Variants in SPEN observed in about 807,000 individuals in gnomAD.
The protein encoded by SPEN is msx2-interacting protein.
In SPEN, 18 loss-of-function variants were observed where a neutral mutation model predicts 269.9. The ratio of observed to expected loss-of-function variants is 0.07; its 90% CI spans 0.05 to 0.10. The LOEUF is 0.10. SPEN is among the 10% of genes least tolerant of loss of function. SPEN has a pLI of 1.00. For synonymous variants in SPEN, 1,726 were observed against 1,765.7 expected, an observed-to-expected ratio of 0.98 and a Z score of 0.56; for missense variants, 3,822 against 4,631.2, an observed-to-expected ratio of 0.83 and a Z score of 5.07.
chr1:15,934,560 A>C lies in SPEN; in HGVS notation c.8320A>C (p.Lys2774Gln). 6.2e-7 allele frequency: 1 copy of C among 1,614,146 alleles called. No individual in the cohort carries two copies. The highest frequency in any genetic ancestry group is 2.2e-5 in the East Asian group (1 of 44,882). The change falls in exon 11 of 15, where the codon AAA (lysine) becomes CAA (glutamine). Residue 2774 changes from lysine (K) to glutamine (Q), a missense_variant. Lys to Gln is a moderately conservative substitution (Grantham distance 53, BLOSUM62 1). This residue lies in a region of SPEN where 329 missense variants were observed against 431.2 expected (regional missense o/e 0.76). Coordinates refer to ENST00000375759, the MANE Select transcript of SPEN (RefSeq NM_015001.3). The surrounding 1 kb of genome is among the most constrained non-coding windows in gnomAD (Gnocchi z 9.2). ...GAVIAPSTKC[K>Q]QRASANENSR... ...AGTGATTGCGCCGTCAACAAAGTGC[A>C]AACAGAGAGCGAGTGCTAATGAAAA...
chr1:15,939,442 A>G lies in SPEN; in HGVS notation c.*15A>G, dbSNP rs779331412. The G allele has an allele frequency of 6.4e-7, 1 of 1,570,754 alleles. No individual in the cohort carries two copies. The highest frequency in any genetic ancestry group is 8.6e-7 in the Non-Finnish European group (1 of 1,158,738). On this transcript the variant is annotated 3_prime_UTR_variant, in exon 15 of 15. Coordinates refer to ENST00000375759, the MANE Select transcript of SPEN (RefSeq NM_015001.3). This position sits in a 1 kb window ranked among gnomAD's most constrained non-coding sequence, Gnocchi z 4.1. Reference sequence around the variant, plus strand: ...CCTCCGTGTGAGCCACTGAGTGGTTATCACCTCAGTGAATCTTCCCAGGGC... The same window carrying G: ...CCTCCGTGTGAGCCACTGAGTGGTTGTCACCTCAGTGAATCTTCCCAGGGC...
chr1:15,904,462 A>C (rs981394018), intron 3 of SPEN, among the ~76,000 whole-genome samples: 10 of 148,788 alleles, frequency 6.7e-5, no homozygotes, highest in Non-Finnish European at 1.2e-4. Flanking sequence ...CAAAAAAAAA[A>C]AAAAAAAAAA....
Position 15,937,665 on chromosome 1 carries a change from G to A in SPEN, c.10509+20G>A. ...CTGAAGGTAAGCATGAGCAGGGGCT[G>A]CCCTTCCTGGCCCCCAAGTTTTATG... is the stretch of plus-strand genomic sequence containing the variant. On this transcript the variant is annotated intron_variant, in intron 12 of 14. Transcript: ENST00000375759. This position sits in a 1 kb window ranked among gnomAD's most constrained non-coding sequence, Gnocchi z 5.7. The A allele has an allele frequency of 6.2e-7, 1 of 1,608,024 alleles. No individual in the cohort carries two copies. The highest frequency in any genetic ancestry group is 1.1e-5 in the South Asian group (1 of 90,850).
At chr1:15,912,145 C>T (rs889247983) in intron 5 of SPEN, among the ~76,000 whole-genome samples, 8 of 152,092 alleles carry the variant, frequency 5.3e-5, no homozygotes, top group Non-Finnish European at 1.0e-4. Context: ...TTCCAGGGAA[C>T]ATTTATTATC....
Position 15,859,418 on chromosome 1 carries a change from C to T in SPEN, c.83+11268C>T, listed in dbSNP as rs1257752873. Among the ~76,000 whole-genome samples the T allele has an allele frequency of 4.4e-5, 6 of 137,470 alleles. No individual in the cohort carries two copies. In the East Asian group the frequency reaches 8.7e-4, roughly 20 times the overall value. The allele number at this position is 137,470 out of a possible 152,430, so 90.2% of individuals were successfully genotyped here. On this transcript the variant is annotated intron_variant, in intron 1 of 14. Coordinates refer to ENST00000375759, the MANE Select transcript of SPEN (RefSeq NM_015001.3). ...TGTCGCCCAGGCTGGAGTGCAGTGG[C>T]GGGATCTCGGCTCACTGCAAGCTCC...
At position 15,930,368 on chromosome 1, in the gene SPEN, T is replaced by G; in HGVS notation, c.4128T>G (p.Gly1376=). 6.2e-7 allele frequency: 1 copy of G among 1,613,348 alleles called. No individual in the cohort carries two copies. The highest frequency in any genetic ancestry group is 1.7e-5 in the Admixed American group (1 of 60,018). The stretch of plus-strand genomic sequence containing the variant: ...GGTCTGTACGAGATCTGGAACCTGG[T>G]GAGGTGCCTTCTGATTCTGACGAAG... ...RKRSVRDLEP[G]EVPSDSDEDG... is the part of the protein sequence containing the mutation. The change falls in exon 11 of 15, where the codon GGT becomes GGG. Residue 1376 remains glycine (G), a synonymous_variant. Transcript: ENST00000375759. This position sits in a 1 kb window ranked among gnomAD's most constrained non-coding sequence, Gnocchi z 5.3.
intron 10 of SPEN, among the ~76,000 whole-genome samples, chr1:15,926,430 C>A (rs1045629154): frequency 2.6e-5 from 4 of 150,994 alleles, no homozygotes; most frequent in African/African-American, 9.7e-5. Context: ...AATATATTTA[C>A]AAAATATACA....
rs192348452 is a variant in SPEN at position 15,895,520 on chromosome 1, T to A, written c.882-13801T>A. On this transcript the variant is annotated intron_variant, in intron 3 of 14. Transcript: ENST00000375759. ...AATTTCATTCCTTTATAAAGGTGAA[T>A]AATATTCCTTTATTCTTTTTGGGTA... Among the ~76,000 whole-genome samples the A allele has an allele frequency of 9.2e-5, 14 of 152,282 alleles. No homozygotes were observed. In the South Asian group the frequency reaches 1.2e-3, roughly 14 times the overall value.
chr1:15,894,533 G>GTGGTTT (rs1557746623), intron 3 of SPEN, among the ~76,000 whole-genome samples: 7 of 136,014 alleles, frequency 5.1e-5, no homozygotes, highest in Admixed American at 7.3e-5. Context: ...CCATATTATG[G>GTGGTTT]TTGTTTTTTT....
intron 3 of SPEN, among the ~76,000 whole-genome samples, chr1:15,880,348 A>C (rs772041366): frequency 4.6e-5 from 7 of 152,064 alleles, no homozygotes; most frequent in Non-Finnish European, 1.0e-4. Context: ...AACAGATTTC[A>C]ACCCTATATT....
At chr1:15,895,035 GTCT>G (rs1302078359) in intron 3 of SPEN, among the ~76,000 whole-genome samples, 1 of 152,056 alleles carries the variant, frequency 6.6e-6, no homozygotes, top group Non-Finnish European at 1.5e-5. Flanking sequence ...CAATTCTCCT[GTCT>G]CAGCCTCCTG....
Position 15,928,425 on chromosome 1 carries a change from G to C in SPEN, c.2185G>C (p.Val729Leu), listed in dbSNP as rs764181934. ...GCCGATTGAACGAAGTCAAAGTCCT[G>C]TTCACTTGCGACGTCCACAGAGTCC... The part of the protein sequence containing the change: ...RRPIERSQSP[V>L]HLRRPQSPGA... Residue 729 changes from valine to leucine, a missense_variant, in exon 11 of 15, where the codon GTT (valine) becomes CTT (leucine). By Grantham distance (32) the Val-to-Leu change is conservative (BLOSUM62 1). Coordinates refer to ENST00000375759, the MANE Select transcript of SPEN (RefSeq NM_015001.3). The surrounding 1 kb of genome is among the most constrained non-coding windows in gnomAD (Gnocchi z 5.7). 1 of 1,614,146 alleles carries C rather than the reference G, an allele frequency of 6.2e-7. No individual in the cohort carries two copies. The highest frequency in any genetic ancestry group is 8.5e-7 in the Non-Finnish European group (1 of 1,180,018).
intron 5 of SPEN, among the ~76,000 whole-genome samples, chr1:15,915,630 T>A (rs2071060169): frequency 6.6e-6 from 1 of 152,182 alleles, no homozygotes; most frequent in Non-Finnish European, 1.5e-5. Context: ...AACTTCCCAT[T>A]CTCATGCTAT....
chr1:15,897,228 C>T (rs1478473702), intron 3 of SPEN, among the ~76,000 whole-genome samples: 5 of 151,994 alleles, frequency 3.3e-5, no homozygotes, highest in East Asian at 3.8e-4. Context: ...CTCGCTTTGT[C>T]GCCCAGGCTG....
At chr1:15,916,670 G>A (rs568701850) in intron 6 of SPEN, among the ~76,000 whole-genome samples, 28 of 151,982 alleles carry the variant, frequency 1.8e-4, no homozygotes, top group Admixed American at 4.6e-4. Flanking sequence ...GTCCCACCAC[G>A]CCCAGCTAAC....
At chr1:15,861,718 C>CCT in intron 1 of SPEN, among the ~76,000 whole-genome samples, 1 of 151,980 alleles carries the variant, frequency 6.6e-6, no homozygotes, top group Middle Eastern at 3.4e-3. Context: ...CTTTAAACAT[C>CCT]CTCTCACCTT....
Position 15,930,514 on chromosome 1 carries a change from C to G in SPEN, c.4274C>G (p.Ser1425Cys). Residue 1425 changes from serine (S) to cysteine (C), a missense_variant, in exon 11 of 15, where the codon TCT becomes TGT. By Grantham distance (112) the Ser-to-Cys change is moderately radical (BLOSUM62 -1). This residue lies in a region of SPEN where 267 missense variants were observed against 315.5 expected (regional missense o/e 0.85). Transcript: ENST00000375759. The surrounding 1 kb of genome is among the most constrained non-coding windows in gnomAD (Gnocchi z 5.3). ...LRERDERLSSSLERNKFYSFA... is the reference protein window; with the variant it reads ...LRERDERLSSCLERNKFYSFA... ...GAGCGAGATGAAAGACTCTCTAGTT[C>G]TTTAGAAAGGAACAAATTTTACTCT... 1 of 1,614,102 alleles carries G rather than the reference C, an allele frequency of 6.2e-7. No individual in the cohort carries two copies. The highest frequency in any genetic ancestry group is 1.1e-5 in the South Asian group (1 of 91,070).
At chr1:15,876,760 G>A (rs2148712303) in intron 3 of SPEN, 82 bp downstream of exon 3, 9 of 1,059,112 alleles carry the variant, frequency 8.5e-6, no homozygotes, top group East Asian at 2.4e-5. Flanking sequence ...TTTCAGCATA[G>A]TATTATTTTT....
chr1:15,887,391 C>T (rs1285975315), intron 3 of SPEN, among the ~76,000 whole-genome samples: 2 of 149,600 alleles, frequency 1.3e-5, no homozygotes, highest in East Asian at 3.9e-4. Context: ...CGCCATTGTC[C>T]TGCCTCAGTC....
Sources: allele counts gnomAD v4.1 joint callset (sites outside exome capture counted in the v4.1 genomes callset), GRCh38; gene constraint gnomAD v4.1.1; regional missense constraint gnomAD v4.1.1; non-coding constraint Gnocchi (gnomAD v3.1); transcripts MANE v1.5; gene names NCBI Gene and HGNC (gene_info 2026-07-23, HGNC 2026-07-21).